The following EFL1 variants were observed in gnomAD, a reference collection of about 807,000 sequenced individuals.
EFL1 encodes the protein elongation factor like GTPase 1, also known as elongation factor-like GTPase 1.
A neutral mutation model predicts 126.7 loss-of-function variants in EFL1; 76 were observed. That is an observed-to-expected ratio of 0.60 (90% CI 0.50 to 0.73). The LOEUF (loss-of-function observed/expected upper bound fraction) is 0.73. Ranked by LOEUF, EFL1 falls within the 30% of genes least tolerant of loss-of-function variation. The probability of loss-of-function intolerance (pLI) is 0.00; values close to 1 mark genes in which losing one functional copy is unlikely to be tolerated. For missense variants in EFL1, 1,128 were observed against 1,343.2 expected (o/e 0.84, Z 2.50); for synonymous variants, 410 against 448.4 (o/e 0.91, Z 1.08).
intron 15 of EFL1, among the ~76,000 whole-genome samples, chr15:82,173,364 T>C (rs1336629178): frequency 6.6e-6 from 1 of 152,140 alleles, no homozygotes; most frequent in African/African-American, 2.4e-5. Context: ...ACACAGCAAG[T>C]TTCAAGAAGT....
chr15:82,220,100 A>C lies in EFL1; in HGVS notation c.1422T>G (p.Cys474Trp). Residue 474 changes from cysteine to tryptophan, a missense_variant, in exon 13 of 20, where the codon TGT becomes TGG. Around this residue, in one of 6 missense-constraint regions of EFL1, gnomAD observed 120 missense variants for 142.1 expected, o/e 0.84. Transcript: ENST00000268206. ...TACCTCTTGGCTCCTCTCCTTTTGGACATGTTTCAATGGCACTCCCATCTT... is the reference window on the plus strand; with the variant it reads ...TACCTCTTGGCTCCTCTCCTTTTGGCCATGTTTCAATGGCACTCCCATCTT... ...PTQDGSAIET[C>W]PKGEEPRGDE... is the part of the protein sequence containing the mutation. 4 of 1,610,564 alleles carry C rather than the reference A, an allele frequency of 2.5e-6. No individual in the cohort carries two copies. Among genetic ancestry groups the C allele is most frequent in the Non-Finnish European group, 3.4e-6 (4 of 1,178,960 alleles).
chr15:82,238,251 C>T, intron 7 of EFL1, 56 bp downstream of exon 7: 1 of 1,563,094 alleles, frequency 6.4e-7, no homozygotes, highest in Middle Eastern at 1.7e-4. Flanking sequence ...TCACTAAAAA[C>T]AATCAACTGC....
At chr15:82,185,602 G>C (rs1329905203) in intron 15 of EFL1, among the ~76,000 whole-genome samples, 1 of 151,786 alleles carries the variant, frequency 6.6e-6, no homozygotes, top group African/African-American at 2.4e-5. Flanking sequence ...CCTATAAAAA[G>C]CTTTTACCAA....
At chr15:82,190,755 G>C (rs2074351013) in intron 15 of EFL1, among the ~76,000 whole-genome samples, 2 of 152,080 alleles carry the variant, frequency 1.3e-5, no homozygotes, top group South Asian at 4.2e-4. Flanking sequence ...CTGATTAATA[G>C]GAGCATCTAT....
chr15:82,189,134 T>C (rs1238241327), intron 15 of EFL1, among the ~76,000 whole-genome samples: 3 of 152,138 alleles, frequency 2.0e-5, no homozygotes, highest in Non-Finnish European at 4.4e-5. Context: ...CTATACGCCG[T>C]GTTACTGTAC....
intron 15 of EFL1, among the ~76,000 whole-genome samples, chr15:82,191,260 A>T (rs1175445314): frequency 6.6e-6 from 1 of 152,188 alleles, no homozygotes; most frequent in Non-Finnish European, 1.5e-5. Context: ...ACTAATTTCT[A>T]AAAAGGTTAC....
chr15:82,229,615 C>T (rs181166145), intron 8 of EFL1, among the ~76,000 whole-genome samples: 4 of 152,106 alleles, frequency 2.6e-5, no homozygotes, highest in East Asian at 1.9e-4. Flanking sequence ...CTTCCATACA[C>T]GAGATGGGAT....
intron 19 of EFL1, among the ~76,000 whole-genome samples, chr15:82,138,430 A>ATGTGTGTGTG (rs10675439): frequency 0.031 from 4,517 of 146,026 alleles, 106 homozygotes; most frequent in African/African-American, 0.063. Context: ...GAGAGAGTGT[A>ATGTGTGTGTG]TGTGTGTGTG....
At chr15:82,209,272 C>G (rs74030944) in intron 15 of EFL1, among the ~76,000 whole-genome samples, 1 of 151,092 alleles carries the variant, frequency 6.6e-6, no homozygotes, top group Non-Finnish European at 1.5e-5. Context: ...AGGTTTCTGA[C>G]GCCTAGGTTA....
Position 82,149,765 on chromosome 15 carries a change from G to T in EFL1, c.2989+1700C>A, listed in dbSNP as rs145547276. On this transcript the variant is annotated intron_variant, in intron 18 of 19. Transcript: ENST00000268206. ...GTTGCATGGAAGAGAGATGAATGGT[G>T]GTACAGATGATTGGAAACTAGCAGG... Among the ~76,000 whole-genome samples, 72 of 152,242 alleles carry T rather than the reference G, an allele frequency of 4.7e-4. 1 individual carries two copies. The East Asian group carries it at 0.013, about 27-fold the overall frequency.
intron 19 of EFL1, among the ~76,000 whole-genome samples, chr15:82,133,008 T>C (rs2073675724): frequency 6.6e-6 from 1 of 151,904 alleles, no homozygotes; most frequent in Non-Finnish European, 1.5e-5. Flanking sequence ...GGGAAAGTGG[T>C]TGCCACTCAA....
intron 19 of EFL1, 41 bp downstream of exon 19, chr15:82,138,617 T>C (rs997009368): frequency 7.5e-6 from 12 of 1,600,852 alleles, no homozygotes; most frequent in East Asian, 2.2e-5. Flanking sequence ...AATGTATCCA[T>C]AGATGAGAAG....
intron 15 of EFL1, among the ~76,000 whole-genome samples, chr15:82,169,854 T>TGA (rs756624066): frequency 6.6e-6 from 1 of 152,230 alleles, no homozygotes; most frequent in Non-Finnish European, 1.5e-5. Context: ...CCTCAATGAA[T>TGA]GAGTGCACAT....
intron 15 of EFL1, among the ~76,000 whole-genome samples, chr15:82,204,671 GTC>G (rs1019651521): frequency 2.0e-4 from 30 of 152,286 alleles, no homozygotes; most frequent in Admixed American, 1.8e-3. Context: ...GAGGTCAAAT[GTC>G]TCACTATCTG....
chr15:82,239,343 C>G (rs192096018), intron 6 of EFL1, among the ~76,000 whole-genome samples: 19 of 151,990 alleles, frequency 1.3e-4, no homozygotes, highest in African/African-American at 4.6e-4. Context: ...TCACCTTGTT[C>G]GACAGGATGG....
chr15:82,248,977 G>T (rs184967712), intron 4 of EFL1, among the ~76,000 whole-genome samples: 1 of 152,128 alleles, frequency 6.6e-6, no homozygotes, highest in Non-Finnish European at 1.5e-5. Flanking sequence ...TAAGCTATTT[G>T]GGGGGAGAAA....
intron 15 of EFL1, among the ~76,000 whole-genome samples, chr15:82,185,135 G>GACAT (rs776688700): frequency 3.9e-4 from 59 of 151,054 alleles, no homozygotes; most frequent in Non-Finnish European, 7.5e-4. Flanking sequence ...CAACTCAGAA[G>GACAT]ACATACAAAT....
intron 4 of EFL1, among the ~76,000 whole-genome samples, chr15:82,245,186 T>C (rs1308654244): frequency 3.9e-5 from 6 of 152,128 alleles, no homozygotes; most frequent in Non-Finnish European, 7.3e-5. Flanking sequence ...AGGGTCTCAC[T>C]GAAACATTCA....
intron 18 of EFL1, among the ~76,000 whole-genome samples, chr15:82,144,488 T>C (rs1009032461): frequency 6.6e-6 from 1 of 152,196 alleles, no homozygotes; most frequent in Non-Finnish European, 1.5e-5. Flanking sequence ...CAATTTCTCA[T>C]AAAGCTTCCC....
Sources: gnomAD v4.1 joint callset for allele counts (sites outside exome capture counted in the v4.1 genomes callset) on GRCh38, gnomAD v4.1.1 for gene constraint, gnomAD v4.1.1 regional missense constraint, MANE v1.5 for transcripts, NCBI Gene and HGNC (gene_info 2026-07-23, HGNC 2026-07-21) for gene names.